Variants in FRMD1 observed in about 807,000 individuals in gnomAD.
FRMD1 encodes FERM domain-containing protein 1.
A neutral mutation model predicts 54.9 loss-of-function variants in FRMD1; 51 were observed. That is an observed-to-expected ratio of 0.93 (90% confidence interval 0.74 to 1.17). The LOEUF is 1.17. FRMD1 is among the 50% of genes most tolerant of loss of function. The pLI is 0.00. For missense variants in FRMD1, 729 were observed against 743.0 expected (o/e 0.98, Z 0.22); for synonymous variants, 324 against 306.4 (o/e 1.06, Z -0.60).
Position 168,060,822 on chromosome 6 carries a change from C to T in FRMD1, c.1281G>A (p.Lys427=). 6.2e-7 allele frequency: 1 copy of T among 1,613,414 alleles called. No individual in the cohort carries two copies. The highest frequency in any genetic ancestry group is 8.5e-7 in the Non-Finnish European group (1 of 1,179,862). The change falls in exon 9 of 11, where the codon AAG becomes AAA. Residue 427 remains lysine, a synonymous_variant. Coordinates refer to ENST00000283309, the MANE Select transcript of FRMD1 (RefSeq NM_024919.6). ...VPLEVHGLHE[K]EPSSSPRTSR... ...TGGTCCTGGGGCTGGAGGACGGCTC[C>T]TTCTCATGGAGCCCGTGGACCTCCA...
chr6:168,075,857 CCACA>C, intron 1 of FRMD1: 13 of 1,445,312 alleles, frequency 9.0e-6, no homozygotes, highest in East Asian at 2.7e-5. Context: ...CGTCCCGTGT[CCACA>C]TTTCCGGTGC....
Position 168,056,973 on chromosome 6 carries a change from G to A in FRMD1, c.*124C>T. The A allele has an allele frequency of 8.4e-7, 1 of 1,184,436 alleles. No homozygotes were observed. Among genetic ancestry groups the A allele is most frequent in the East Asian group, 2.9e-5 (1 of 34,586 alleles). The allele number at this position is 1,184,436 out of a possible 1,614,324, so 73.4% of individuals were successfully genotyped here. On this transcript the variant is annotated 3_prime_UTR_variant, in exon 11 of 11. Transcript: ENST00000283309. ...CACACCTCTTACAGGTGAACCTGTG[G>A]AGCGTGCTGGCTGCGGAAGTGCAGG...
At chr6:168,075,705 T>C (rs1199254380) in intron 1 of FRMD1, 25 of 1,487,140 alleles carry the variant, frequency 1.7e-5, no homozygotes, top group Non-Finnish European at 2.1e-5. Flanking sequence ...AATGAATGCT[T>C]GGTTCCCCAT....
Position 168,057,070 on chromosome 6 carries a change from C to A in FRMD1, c.*27G>T, listed in dbSNP as rs9455942. ...TGGGCAGGGGCTGAGCCTGGCGGTGCGGACGGTACTGCTGGGTGGGTGGTG... is the reference window on the plus strand; with the variant it reads ...TGGGCAGGGGCTGAGCCTGGCGGTGAGGACGGTACTGCTGGGTGGGTGGTG... On this transcript the variant is annotated 3_prime_UTR_variant, in exon 11 of 11. Transcript: ENST00000283309. 3.3e-4 allele frequency: 474 copies of A among 1,444,700 alleles called. 2 individuals carry two copies. The African/African-American group carries it at 6.0e-3, about 18-fold the overall frequency. 89.5% of individuals were successfully genotyped at this position (1,444,700 alleles called of 1,614,324 possible).
At chr6:168,074,332 C>T (rs891473023) in intron 2 of FRMD1, among the ~76,000 whole-genome samples, 3 of 152,338 alleles carry the variant, frequency 2.0e-5, no homozygotes, top group Admixed American at 6.5e-5. Context: ...CTGGAGCCAA[C>T]TGCCCCCCAG....
chr6:168,091,344 C>T (rs1407646254), intron 1 of FRMD1, among the ~76,000 whole-genome samples: 1 of 152,210 alleles, frequency 6.6e-6, no homozygotes, highest in Admixed American at 6.5e-5. Flanking sequence ...AAAACTGCTC[C>T]AGCTGGTTTT....
At chr6:168,063,817 G>A in intron 5 of FRMD1, 61 bp from the exon 6 acceptor site, 1 of 1,523,522 alleles carries the variant, frequency 6.6e-7, no homozygotes. Context: ...CTCCTTGCCA[G>A]CCCCCTGCTC....
chr6:168,081,628 A>T (rs1800833372), upstream of FRMD1: 15 of 1,056,428 alleles, frequency 1.4e-5, no homozygotes, highest in Non-Finnish European at 1.8e-5. Context: ...GGTTTTGGAA[A>T]ACAATGTGGG....
intron 2 of FRMD1, among the ~76,000 whole-genome samples, chr6:168,072,113 C>T (rs1441706490): frequency 2.6e-5 from 4 of 152,254 alleles, no homozygotes; most frequent in African/African-American, 4.8e-5. Flanking sequence ...TCCCCAACAC[C>T]GAGGATCATC....
intron 8 of FRMD1, among the ~76,000 whole-genome samples, chr6:168,061,571 C>G (rs1211211519): frequency 1.3e-5 from 2 of 152,218 alleles, no homozygotes; most frequent in Non-Finnish European, 2.9e-5. Flanking sequence ...GAAGTGGAAA[C>G]CTCAGGTGGC....
upstream of FRMD1, among the ~76,000 whole-genome samples, chr6:168,084,117 T>G (rs769312135): frequency 1.8e-4 from 27 of 152,240 alleles, no homozygotes; most frequent in Non-Finnish European, 3.4e-4. Context: ...GGGAGAAGAC[T>G]AGAGACGGCA....
Position 168,053,273 on chromosome 6 carries a change from G to A in FRMD1, c.*3824C>T, listed in dbSNP as rs1160063918. ...CCTGGAAGGCAGCCTCCCCATCACA[G>A]CTCGCCGCCGTGAGAACGGTCATGG... On this transcript the variant is annotated 3_prime_UTR_variant, in exon 11 of 11. Coordinates refer to ENST00000283309, the MANE Select transcript of FRMD1 (RefSeq NM_024919.6). 2 of 152,212 alleles carry A rather than the reference G, an allele frequency of 1.3e-5. No homozygotes were observed. The highest frequency in any genetic ancestry group is 2.9e-5 in the Non-Finnish European group (2 of 68,058). 9.4% of individuals were successfully genotyped at this position (152,212 alleles called of 1,614,324 possible).
chr6:168,076,368 T>G (rs1375989984), intron 1 of FRMD1, among the ~76,000 whole-genome samples: 1 of 152,222 alleles, frequency 6.6e-6, no homozygotes, highest in Non-Finnish European at 1.5e-5. Flanking sequence ...AAGACTGACT[T>G]CCTTATTGAT....
intron 8 of FRMD1, 106 bp downstream of exon 8, chr6:168,061,701 A>G: frequency 2.4e-6 from 3 of 1,241,770 alleles, no homozygotes; most frequent in Non-Finnish European, 3.3e-6. Flanking sequence ...AGGAGGCCAC[A>G]ACAATAAGAG....
At chr6:168,062,035 A>G in intron 7 of FRMD1, 54 bp from the exon 8 acceptor site, 1 of 1,524,582 alleles carries the variant, frequency 6.6e-7, no homozygotes, top group South Asian at 1.2e-5. Flanking sequence ...CACGCTAGCC[A>G]CAGGAAAGGA....
intron 2 of FRMD1, among the ~76,000 whole-genome samples, chr6:168,069,735 G>C (rs755932752): frequency 6.6e-6 from 1 of 152,092 alleles, no homozygotes; most frequent in Non-Finnish European, 1.5e-5. Context: ...CAATACTTGC[G>C]GCAACACCGA....
rs532734337 is a variant in FRMD1, at chr6:168,062,576, A to G, written c.870+318T>C. 451 of 1,264,980 alleles carry G rather than the reference A, an allele frequency of 3.6e-4. 2 individuals carry two copies. The African/African-American group carries it at 5.9e-3, about 17-fold the overall frequency. 78.4% of individuals were successfully genotyped at this position (1,264,980 alleles called of 1,614,324 possible). On this transcript the variant is annotated intron_variant, in intron 7 of 10. Coordinates refer to ENST00000283309, the MANE Select transcript of FRMD1 (RefSeq NM_024919.6). ...GAGAGGCCGGCAGGAAGGGACCTGC[A>G]CCTCTTCGGGTGCAGAATTGTCCAG...
intron 6 of FRMD1, 65 bp from the exon 7 acceptor site, chr6:168,063,024 G>A (rs1243601619): frequency 1.4e-6 from 2 of 1,381,792 alleles, no homozygotes; most frequent in Admixed American, 1.7e-5. Context: ...TGATGGCAGA[G>A]TATGGTCAGT....
chr6:168,071,039 T>TC (rs1227878014), intron 2 of FRMD1, among the ~76,000 whole-genome samples: 2 of 152,002 alleles, frequency 1.3e-5, no homozygotes, highest in South Asian at 4.1e-4. Flanking sequence ...GGCCTGAACT[T>TC]CCCCACTGTG....
Sources: gnomAD v4.1 joint callset for allele counts (sites outside exome capture counted in the v4.1 genomes callset) on GRCh38, gnomAD v4.1.1 for gene constraint, MANE v1.5 for transcripts, NCBI Gene and HGNC (gene_info 2026-07-23, HGNC 2026-07-21) for gene names.